Variants in PHTF2 observed in about 807,000 individuals in gnomAD.
PHTF2 encodes putative homeodomain transcription factor 2.
PHTF2 carries 60 observed loss-of-function variants against 101.2 expected under a neutral mutation model. The ratio of observed to expected loss-of-function variants is 0.59; its 90% CI spans 0.48 to 0.73. The LOEUF is 0.73. PHTF2 is among the 30% of genes least tolerant of loss of function. The pLI, the probability that PHTF2 is intolerant of heterozygous loss-of-function variation, is 0.00. For synonymous variants in PHTF2, 311 were observed against 307.3 expected (o/e 1.01, Z -0.13); for missense variants, 747 against 908.7 (o/e 0.82, Z 2.29).
intron 3 of PHTF2, among the ~76,000 whole-genome samples, chr7:77,888,271 C>T (rs1253565969): frequency 1.3e-5 from 2 of 152,122 alleles, no homozygotes; most frequent in African/African-American, 4.8e-5. Context: ...TGCGCCACCA[C>T]GCCCAGCTAA....
chr7:77,951,838 C>G lies in PHTF2; in HGVS notation c.2211+126C>G, dbSNP rs1388443523. ...TTATCCAAGTTGTTTCCAAATTATA[C>G]TTGTGCACATACATACAATTTATAT... On this transcript the variant is annotated intron_variant, in intron 18 of 19. Coordinates refer to ENST00000416283, the Ensembl canonical transcript of PHTF2. The G allele has an allele frequency of 6.0e-5, 34 of 567,142 alleles. No individual in the cohort carries two copies. In the Admixed American group the frequency reaches 1.2e-3, roughly 21 times the overall value. 35.1% of individuals were successfully genotyped at this position (567,142 alleles called of 1,614,324 possible). A position where few individuals can be genotyped will look rare whatever the true frequency, so the allele number is the denominator to read the frequency against.
At position 77,949,731 on chromosome 7, in the gene PHTF2, A is replaced by T. The variant is rs746981566; in HGVS notation, c.2013A>T (p.Val671=). The T allele has an allele frequency of 3.2e-6, 5 of 1,566,630 alleles. No individual in the cohort carries two copies. In the South Asian group the frequency reaches 5.7e-5, roughly 18 times the overall value. The change falls in exon 17 of 20, where the codon GTA becomes GTT. Residue 671 remains valine, a synonymous_variant. Transcript: ENST00000416283. ...ATTGTCACTACAATTGGGAATTGGT[A>T]ATCTGGTGCATCTCGTTAACACTTT...
At chr7:77,903,038 T>C (rs2150838021) in intron 7 of PHTF2, among the ~76,000 whole-genome samples, 1 of 152,260 alleles carries the variant, frequency 6.6e-6, no homozygotes, top group East Asian at 1.9e-4. Flanking sequence ...TGCCTTTAAA[T>C]TTATAATACT....
chr7:77,910,663 A>G (rs1802302810), intron 9 of PHTF2, among the ~76,000 whole-genome samples: 1 of 150,806 alleles, frequency 6.6e-6, no homozygotes, highest in Admixed American at 6.6e-5. Context: ...TTTTTTTGGG[A>G]CAGAGTCTGG....
In PHTF2 at chr7:77,941,296, C is replaced by T. The variant is rs141033178; in HGVS notation, c.1872+637C>T. On this transcript the variant is annotated intron_variant, in intron 15 of 19. Coordinates refer to ENST00000416283, the Ensembl canonical transcript of PHTF2. ...TCTCTACTCTTATATTTAAAAAATT[C>T]ATTGTTCTGTTTATTAATTTAACTT... Among the ~76,000 whole-genome samples the T allele has an allele frequency of 1.4e-3, 215 of 152,052 alleles. 2 individuals are homozygous for T. The highest frequency in any genetic ancestry group is 5.0e-3 in the African/African-American group (208 of 41,504).
At chr7:77,836,621 G>A (rs930338801) in intron 1 of PHTF2, among the ~76,000 whole-genome samples, 9 of 152,112 alleles carry the variant, frequency 5.9e-5, no homozygotes, top group African/African-American at 1.9e-4. Context: ...TGTGGCACAG[G>A]TACAACATGG....
intron 9 of PHTF2, among the ~76,000 whole-genome samples, chr7:77,913,144 T>A (rs1261566363): frequency 2.0e-5 from 3 of 152,048 alleles, no homozygotes; most frequent in Non-Finnish European, 4.4e-5. Context: ...TCCCAGCACT[T>A]TATGAGGCCA....
At chr7:77,801,791 G>C (rs1376518899) in intron 1 of PHTF2, among the ~76,000 whole-genome samples, 1 of 152,116 alleles carries the variant, frequency 6.6e-6, no homozygotes, top group African/African-American at 2.4e-5. Flanking sequence ...AATCCAAAAT[G>C]CTTGTGGTCC....
rs945048797 is a variant in PHTF2, at chr7:77,799,603, A to T, written c.-36+632A>T. ...GGAAACAATACCGTGCTCCATCAGCATGCTTCAGCTTTTCTTATTTTTATC... is the reference window on the plus strand; with the variant it reads ...GGAAACAATACCGTGCTCCATCAGCTTGCTTCAGCTTTTCTTATTTTTATC... On this transcript the variant is annotated intron_variant, in intron 1 of 19. Coordinates refer to ENST00000416283, the Ensembl canonical transcript of PHTF2. Among the ~76,000 whole-genome samples the T allele has an allele frequency of 3.9e-5, 6 of 152,336 alleles. No individual in the cohort carries two copies. In the East Asian group the frequency reaches 1.2e-3, roughly 29 times the overall value.
exon 9 of PHTF2, chr7:77,910,299 T>C: frequency 6.2e-7 from 1 of 1,613,432 alleles, no homozygotes; most frequent in Non-Finnish European, 8.5e-7. Flanking sequence ...ATGGTTCTAG[T>C]ACCACAGATA....
chr7:77,872,427 GT>G (rs1483613277), intron 3 of PHTF2, among the ~76,000 whole-genome samples: 3 of 152,200 alleles, frequency 2.0e-5, no homozygotes, highest in Non-Finnish European at 2.9e-5. Context: ...CTTCCTATCA[GT>G]TTTACTTCTA....
intron 16 of PHTF2, among the ~76,000 whole-genome samples, chr7:77,948,159 T>C (rs1334081552): frequency 6.6e-6 from 1 of 152,132 alleles, no homozygotes; most frequent in East Asian, 1.9e-4. Flanking sequence ...TTTTTGTTTT[T>C]CTTTTTTAAA....
At chr7:77,927,700 A>G (rs1351354408) in intron 11 of PHTF2, among the ~76,000 whole-genome samples, 1 of 152,236 alleles carries the variant, frequency 6.6e-6, no homozygotes, top group Non-Finnish European at 1.5e-5. Context: ...GTTTGTATTC[A>G]AAGTTCCCAT....
chr7:77,808,276 T>C (rs1356159615), intron 1 of PHTF2, among the ~76,000 whole-genome samples: 1 of 152,192 alleles, frequency 6.6e-6, no homozygotes, highest in East Asian at 1.9e-4. Flanking sequence ...TTGGGTAGTA[T>C]GGAAATTTTA....
At chr7:77,885,590 G>A (rs1584593224) in intron 3 of PHTF2, among the ~76,000 whole-genome samples, 1 of 151,940 alleles carries the variant, frequency 6.6e-6, no homozygotes, top group Non-Finnish European at 1.5e-5. Flanking sequence ...AACTACAGGC[G>A]CCCACCACCA....
intron 2 of PHTF2, among the ~76,000 whole-genome samples, chr7:77,845,954 C>A (rs141793432): frequency 6.6e-6 from 1 of 152,138 alleles, no homozygotes; most frequent in Non-Finnish European, 1.5e-5. Flanking sequence ...CAGATGTGTC[C>A]GTCTGCCTCT....
At chr7:77,902,054 T>G in intron 7 of PHTF2, 134 bp downstream of exon 6, 1 of 427,206 alleles carries the variant, frequency 2.3e-6, no homozygotes, top group Non-Finnish European at 4.1e-6. Context: ...CATAATTGAT[T>G]TGGTATTAAA....
intron 7 of PHTF2, among the ~76,000 whole-genome samples, chr7:77,902,296 C>T (rs1801469522): frequency 3.9e-5 from 6 of 152,226 alleles, no homozygotes; most frequent in Admixed American, 3.9e-4. Flanking sequence ...CTTTTACCAC[C>T]GTGATGTGAG....
intron 2 of PHTF2, among the ~76,000 whole-genome samples, chr7:77,849,255 C>G (rs1796546748): frequency 6.6e-6 from 1 of 151,902 alleles, no homozygotes; most frequent in African/African-American, 2.4e-5. Flanking sequence ...TCCAGAGTAG[C>G]TGGGATTACA....
Sources: gnomAD v4.1 joint callset for allele counts (sites outside exome capture counted in the v4.1 genomes callset) on GRCh38, gnomAD v4.1.1 for gene constraint, MANE v1.5 for transcripts, NCBI Gene and HGNC (gene_info 2026-07-23, HGNC 2026-07-21) for gene names.